WDSUB1: variants seen among roughly 807,000 people sequenced by gnomAD.
WDSUB1 encodes the protein WD repeat, sterile alpha motif and U-box domain containing 1.
Under a neutral mutation model 53.9 loss-of-function variants are expected in WDSUB1, and 49 were observed. The ratio of observed to expected loss-of-function variants is 0.91; its 90% CI spans 0.72 to 1.15. The LOEUF is 1.15. Ranked by LOEUF, WDSUB1 falls within the 50% of genes most tolerant of loss-of-function variation. WDSUB1 has a pLI of 0.00. For missense variants in WDSUB1, 514 were observed against 562.0 expected (o/e 0.91, Z 0.86); for synonymous variants, 194 against 200.6 (o/e 0.97, Z 0.28).
At chr2:159,280,340 T>C (rs996332322) in intron 2 of WDSUB1, among the ~76,000 whole-genome samples, 4 of 152,300 alleles carry the variant, frequency 2.6e-5, no homozygotes, top group African/African-American at 7.2e-5. Context: ...GATAAAACTA[T>C]TTTTATTGGA....
intron 3 of WDSUB1, among the ~76,000 whole-genome samples, chr2:159,277,563 C>A (rs954672195): frequency 1.3e-5 from 2 of 152,088 alleles, no homozygotes; most frequent in African/African-American, 4.8e-5. Context: ...ATTATAATAA[C>A]CTAACCTACA....
At chr2:159,262,875 T>A (rs1181048439) in intron 5 of WDSUB1, among the ~76,000 whole-genome samples, 1 of 152,206 alleles carries the variant, frequency 6.6e-6, no homozygotes, top group Non-Finnish European at 1.5e-5. Context: ...TTGGTGTCCC[T>A]GGTTATGTAT....
chr2:159,258,215 C>T (rs1189368812), intron 6 of WDSUB1, among the ~76,000 whole-genome samples: 1 of 152,194 alleles, frequency 6.6e-6, no homozygotes, highest in Non-Finnish European at 1.5e-5. Context: ...CTGCTAGCCA[C>T]CTCCTTAGAA....
At chr2:159,258,639 A>T (rs2061121202) in intron 6 of WDSUB1, among the ~76,000 whole-genome samples, 2 of 152,192 alleles carry the variant, frequency 1.3e-5, no homozygotes, top group African/African-American at 4.8e-5. Context: ...GGCCTGGGCA[A>T]AGGAGCAAGA....
At chr2:159,276,698 T>C (rs2061548496) in intron 3 of WDSUB1, among the ~76,000 whole-genome samples, 1 of 152,144 alleles carries the variant, frequency 6.6e-6, no homozygotes, top group African/African-American at 2.4e-5. Context: ...ATCAAGTAAG[T>C]TTTGGCACTC....
At chr2:159,268,628 G>T (rs971489434) in intron 5 of WDSUB1, among the ~76,000 whole-genome samples, 1 of 152,190 alleles carries the variant, frequency 6.6e-6, no homozygotes, top group African/African-American at 2.4e-5. Context: ...ATAAATGTGG[G>T]TCAGAATGCT....
In WDSUB1 at chr2:159,256,268, T is replaced by C. The variant is rs2151087857; in HGVS notation, c.1060A>G (p.Lys354Glu). ...QDLKDLVGIF[K>E]MNNIDGKELL... The stretch of plus-strand genomic sequence containing the variant: ...TCTTTTCCATCAATGTTATTCATCT[T>C]GAAAATACCAACAAGATCTTTTAAA... The change falls in exon 9 of 11, where the codon AAG (lysine) becomes GAG (glutamate). Residue 354 changes from lysine (K) to glutamate (E), a missense_variant. Physicochemically the swap from Lys to Glu is moderately conservative, Grantham distance 56. Transcript: ENST00000359774. 6.2e-7 allele frequency: 1 copy of C among 1,612,088 alleles called. No homozygotes were observed. Among genetic ancestry groups the C allele is most frequent in the Admixed American group, 1.7e-5 (1 of 59,582 alleles).
chr2:159,267,968 A>C (rs2061377476), intron 5 of WDSUB1, among the ~76,000 whole-genome samples: 1 of 152,230 alleles, frequency 6.6e-6, no homozygotes, highest in Non-Finnish European at 1.5e-5. Context: ...CCATATACCC[A>C]AAAGCACTTG....
At chr2:159,254,009 A>C (rs946365154) in intron 9 of WDSUB1, among the ~76,000 whole-genome samples, 2 of 152,220 alleles carry the variant, frequency 1.3e-5, no homozygotes, top group African/African-American at 4.8e-5. Context: ...TCCATATCTT[A>C]AACACAAGCC....
intron 5 of WDSUB1, among the ~76,000 whole-genome samples, chr2:159,262,466 A>C (rs1333760791): frequency 6.6e-6 from 1 of 152,150 alleles, no homozygotes; most frequent in Non-Finnish European, 1.5e-5. Flanking sequence ...AAGGAATTTG[A>C]GAAGCGCAAG....
In WDSUB1 at chr2:159,267,719, T is replaced by G. The variant is rs188472536; in HGVS notation, c.770+3983A>C. Among the ~76,000 whole-genome samples, 6 of 152,340 alleles carry G rather than the reference T, an allele frequency of 3.9e-5. No individual in the cohort carries two copies. In the East Asian group the frequency reaches 1.2e-3, roughly 29 times the overall value. ...TCCTACTCACTTTTTTTAGTCTCCC[T>G]CTTTCCCATACGTATTCATTCTATC... is the stretch of plus-strand genomic sequence containing the variant. On this transcript the variant is annotated intron_variant, in intron 5 of 10. Coordinates refer to ENST00000359774, the MANE Select transcript of WDSUB1 (RefSeq NM_001128212.3).
intron 2 of WDSUB1, among the ~76,000 whole-genome samples, chr2:159,281,968 ACT>A (rs1245564750): frequency 2.0e-5 from 3 of 152,094 alleles, no homozygotes; most frequent in Non-Finnish European, 2.9e-5. Context: ...CAAGAGTGAA[ACT>A]CTGTCTCAAA....
At chr2:159,285,263 A>G (rs1000004631) in intron 1 of WDSUB1, among the ~76,000 whole-genome samples, 8 of 152,228 alleles carry the variant, frequency 5.3e-5, no homozygotes, top group African/African-American at 1.9e-4. Flanking sequence ...TACCAAGACT[A>G]AATATATATA....
rs146964544 is a variant in WDSUB1 at position 159,236,180 on chromosome 2, T to C, written c.1284A>G (p.Ser428=). The C allele has an allele frequency of 5.7e-5, 91 of 1,598,914 alleles. No homozygotes were observed. Among genetic ancestry groups the C allele is most frequent in the Non-Finnish European group, 7.1e-5 (84 of 1,175,596 alleles). Residue 428 remains serine (S), a synonymous_variant, in exon 11 of 11, where the codon TCA becomes TCG. Transcript: ENST00000359774. The part of the protein sequence containing the change: ...KDPVIASDGY[S]YEKEAMENWI... ...AATTTTCCATTGCTTCCTTTTCATA[T>C]GAATAGCCATCTAAAAAAAAAAAAT...
rs1271982385 is a variant in WDSUB1 at position 159,271,763 on chromosome 2, CACTCAGTGT to C, written c.700_708del (p.Thr234_Ser236del). ...CAAGCCAGAACAGGAGCACAGTGCC[CACTCAGTGT>C]ACTTTTATATTTTAATTCAAAACCT... On this transcript the variant is annotated inframe_deletion, in exon 5 of 11. Transcript: ENST00000359774. 1 of 1,614,000 alleles carries C rather than the reference CACTCAGTGT, an allele frequency of 6.2e-7. No individual in the cohort carries two copies. Among genetic ancestry groups the C allele is most frequent in the Non-Finnish European group, 8.5e-7 (1 of 1,180,000 alleles).
Position 159,256,351 on chromosome 2 carries a change from T to C in WDSUB1, c.977A>G (p.Lys326Arg), listed in dbSNP as rs370517352. The C allele has an allele frequency of 1.6e-5, 26 of 1,612,002 alleles. No homozygotes were observed. In the African/African-American group the frequency reaches 3.3e-4, roughly 21 times the overall value. Residue 326 changes from lysine to arginine, a missense_variant, in exon 9 of 11, where the codon AAG becomes AGG. Transcript: ENST00000359774. Reference sequence around the variant, plus strand: ...CTCTGACCAATCTTCGGTAAATTGCTTCAGCTGATGTTCTGTGCGCCTTGC... The same window carrying C: ...CTCTGACCAATCTTCGGTAAATTGCCTCAGCTGATGTTCTGTGCGCCTTGC... Reference protein sequence around the residue: ...CQARRTEHQLKQFTEDWSEED... With the variant: ...CQARRTEHQLRQFTEDWSEED...
intron 10 of WDSUB1, 120 bp from the exon 11 acceptor site, chr2:159,236,310 G>T: frequency 1.0e-6 from 1 of 982,048 alleles, no homozygotes; most frequent in Non-Finnish European, 1.5e-6. Context: ...GGTTATTCCT[G>T]TCTTGCTTGT....
At chr2:159,236,638 C>T (rs6432519) in intron 10 of WDSUB1, among the ~76,000 whole-genome samples, 4,336 of 151,090 alleles carry the variant, frequency 0.029, 196 homozygotes, top group African/African-American at 0.096. Flanking sequence ...GATTTGACAG[C>T]GAAGGGACTT....
At chr2:159,276,082 G>A (rs1292352542) in intron 3 of WDSUB1, among the ~76,000 whole-genome samples, 1 of 147,022 alleles carries the variant, frequency 6.8e-6, no homozygotes, top group African/African-American at 2.6e-5. Flanking sequence ...TTTTTGAGAT[G>A]GAGTCTCGCT....
Sources: gnomAD v4.1 joint callset for allele counts (sites outside exome capture counted in the v4.1 genomes callset) on GRCh38, gnomAD v4.1.1 for gene constraint, MANE v1.5 for transcripts, NCBI Gene and HGNC (gene_info 2026-07-23, HGNC 2026-07-21) for gene names.